The following RAB8B variants were observed in gnomAD, a reference collection of about 807,000 sequenced individuals.
The protein encoded by RAB8B is ras-related protein Rab-8B.
A neutral mutation model predicts 32.0 loss-of-function variants in RAB8B; 11 were observed. The observed-to-expected ratio is 0.34, with a 90% CI of 0.22 to 0.57. The LOEUF is 0.57. Ranked by LOEUF, RAB8B falls within the 20% of genes least tolerant of loss-of-function variation. The pLI, the probability that RAB8B is intolerant of heterozygous loss-of-function variation, is 0.86. For missense variants in RAB8B, 190 were observed against 258.5 expected (o/e 0.73, Z 1.82); for synonymous variants, 103 against 89.6 (o/e 1.15, Z -0.85).
At chr15:63,191,675 G>A (rs2037556977) in intron 1 of RAB8B, among the ~76,000 whole-genome samples, 1 of 152,222 alleles carries the variant, frequency 6.6e-6, no homozygotes, top group Admixed American at 6.5e-5. Flanking sequence ...AACAAGTTGA[G>A]TGGGTGTCCT....
intron 1 of RAB8B, among the ~76,000 whole-genome samples, chr15:63,236,242 T>C (rs1211437172): frequency 6.6e-6 from 1 of 152,168 alleles, no homozygotes; most frequent in Non-Finnish European, 1.5e-5. Flanking sequence ...CAAAATCTGT[T>C]AGAGAGAGTT....
chr15:63,250,646 C>A (rs1260673124), intron 3 of RAB8B, among the ~76,000 whole-genome samples: 2 of 151,952 alleles, frequency 1.3e-5, no homozygotes, highest in African/African-American at 4.8e-5. Flanking sequence ...AGTAAGGCAG[C>A]TTGGAAGCTG....
At chr15:63,255,457 T>C in intron 3 of RAB8B, 50 bp from the exon 4 acceptor site, 2 of 1,257,438 alleles carry the variant, frequency 1.6e-6, no homozygotes, top group South Asian at 2.8e-5. Context: ...TTATATACTA[T>C]AACTTTAAAT....
intron 3 of RAB8B, chr15:63,251,231 CTTA>C: frequency 2.2e-6 from 1 of 455,162 alleles, no homozygotes; most frequent in South Asian, 1.6e-5. Context: ...AGGGAAGGGG[CTTA>C]TTATATGTGC....
chr15:63,238,852 C>A (rs2038006727), intron 1 of RAB8B, among the ~76,000 whole-genome samples: 1 of 152,124 alleles, frequency 6.6e-6, no homozygotes, highest in African/African-American at 2.4e-5. Flanking sequence ...AGGAATTCAG[C>A]CTTAGCCTGC....
chr15:63,235,476 A>G (rs1170517182), intron 1 of RAB8B, among the ~76,000 whole-genome samples: 1 of 152,136 alleles, frequency 6.6e-6, no homozygotes, highest in Non-Finnish European at 1.5e-5. Context: ...AAGTATAGCT[A>G]ATATAAGACA....
At chr15:63,208,995 C>T (rs549472384) in intron 1 of RAB8B, among the ~76,000 whole-genome samples, 4 of 150,884 alleles carry the variant, frequency 2.7e-5, no homozygotes, top group Non-Finnish European at 4.4e-5. Flanking sequence ...TGGGTTCAAG[C>T]GATTCTGCCT....
intron 1 of RAB8B, among the ~76,000 whole-genome samples, chr15:63,238,666 G>C (rs373857095): frequency 1.3e-5 from 2 of 151,960 alleles, no homozygotes; most frequent in Non-Finnish European, 2.9e-5. Flanking sequence ...ATATATAATA[G>C]GTATATAATA....
chr15:63,231,902 AGCTTATT>A (rs1567015759), intron 1 of RAB8B, among the ~76,000 whole-genome samples: 1 of 152,230 alleles, frequency 6.6e-6, no homozygotes, highest in Non-Finnish European at 1.5e-5. Context: ...GACATCTTCG[AGCTTATT>A]GCTACTTCTA....
chr15:63,196,714 T>A (rs956944585), intron 1 of RAB8B, among the ~76,000 whole-genome samples: 1 of 152,206 alleles, frequency 6.6e-6, no homozygotes, highest in Non-Finnish European at 1.5e-5. Flanking sequence ...GATGATTAGA[T>A]GATATTTGAG....
intron 1 of RAB8B, among the ~76,000 whole-genome samples, chr15:63,224,728 T>A (rs1003706355): frequency 6.6e-6 from 1 of 152,216 alleles, no homozygotes; most frequent in Admixed American, 6.5e-5. Context: ...CCAATTTTCC[T>A]TTTGTGATCG....
chr15:63,193,010 G>A (rs2037570925), intron 1 of RAB8B, among the ~76,000 whole-genome samples: 1 of 151,936 alleles, frequency 6.6e-6, no homozygotes, highest in Admixed American at 6.5e-5. Context: ...ATCACTTGAG[G>A]CCAGGAGTTT....
chr15:63,259,639 T>A lies in RAB8B; in HGVS notation c.427T>A (p.Tyr143Asn). 1.2e-6 allele frequency: 2 copies of A among 1,613,464 alleles called. No individual in the cohort carries two copies. The highest frequency in any genetic ancestry group is 1.7e-6 in the Non-Finnish European group (2 of 1,179,402). Residue 143 changes from tyrosine (Y) to asparagine (N), a missense_variant, in exon 6 of 8, where the codon TAT becomes AAT. Transcript: ENST00000321437. The surrounding 1 kb of genome is among the most constrained non-coding windows in gnomAD (Gnocchi z 4.4). The stretch of plus-strand genomic sequence containing the variant: ...GTTTACTTTTCAGCTAGCAATTGAC[T>A]ATGGGATTAAATTCTTGGAGACAAG... ...KERGEKLAID[Y>N]GIKFLETSAK...
intron 1 of RAB8B, among the ~76,000 whole-genome samples, chr15:63,212,938 G>C (rs955596656): frequency 1.3e-5 from 2 of 152,176 alleles, no homozygotes; most frequent in South Asian, 4.1e-4. Context: ...AGAATTAAAA[G>C]CACATGCCAC....
At chr15:63,262,297 A>C (rs184644783) in intron 6 of RAB8B, among the ~76,000 whole-genome samples, 339 of 152,314 alleles carry the variant, frequency 2.2e-3, no homozygotes, top group Middle Eastern at 6.8e-3. Flanking sequence ...GTGATATTAT[A>C]TCACATGAAG....
intron 6 of RAB8B, among the ~76,000 whole-genome samples, chr15:63,262,273 A>G (rs1201348794): frequency 5.9e-5 from 9 of 152,190 alleles, no homozygotes; most frequent in Non-Finnish European, 1.3e-4. Flanking sequence ...TCGTGACTCA[A>G]CAAGGGTGTT....
chr15:63,263,508 T>C lies in RAB8B; in HGVS notation c.532-19T>C. On this transcript the variant is annotated intron_variant, in intron 7 of 7. Transcript: ENST00000321437. ...ATGAAACTTTTATTTCCTTGGTAAC[T>C]TCATCTTCTATTTTTTAGAATGACA... 6.3e-7 allele frequency: 1 copy of C among 1,578,996 alleles called. No individual in the cohort carries two copies. Among genetic ancestry groups the C allele is most frequent in the Non-Finnish European group, 8.7e-7 (1 of 1,148,880 alleles).
chr15:63,231,694 C>T (rs892273184), intron 1 of RAB8B, among the ~76,000 whole-genome samples: 8 of 152,054 alleles, frequency 5.3e-5, no homozygotes, highest in Admixed American at 3.9e-4. Context: ...GCAAGAGAGA[C>T]GCAACTGGTT....
intron 1 of RAB8B, among the ~76,000 whole-genome samples, chr15:63,205,520 T>TCA (rs940969844): frequency 1.3e-5 from 2 of 151,454 alleles, no homozygotes; most frequent in African/African-American, 4.9e-5. Context: ...AAAAAAATAC[T>TCA]CACACACACA....
Sources: gnomAD v4.1 joint callset for allele counts (sites outside exome capture counted in the v4.1 genomes callset) on GRCh38, gnomAD v4.1.1 for gene constraint, Gnocchi (gnomAD v3.1) non-coding constraint, MANE v1.5 for transcripts, NCBI Gene and HGNC (gene_info 2026-07-23, HGNC 2026-07-21) for gene names.